The following NT5DC1 variants were observed in gnomAD, a reference collection of about 807,000 sequenced individuals.
The protein encoded by NT5DC1 is 5'-nucleotidase domain-containing protein 1.
NT5DC1 carries 42 observed loss-of-function variants against 59.4 expected under a neutral mutation model. That is an observed-to-expected ratio of 0.71 (90% CI 0.55 to 0.92). NT5DC1 has a LOEUF of 0.92. Ranked by LOEUF, NT5DC1 falls within the 40% of genes least tolerant of loss-of-function variation. The pLI, the probability that NT5DC1 is intolerant of heterozygous loss-of-function variation, is 0.00. For synonymous variants in NT5DC1, 172 were observed against 188.1 expected (o/e 0.91, Z 0.70); for missense variants, 501 against 537.1 (o/e 0.93, Z 0.66).
intron 6 of NT5DC1, chr6:116,125,439 T>TC: frequency 6.2e-7 from 1 of 1,613,888 alleles, no homozygotes; most frequent in Middle Eastern, 1.7e-4. Context: ...CGTAAAACAC[T>TC]CCATGAACCA....
chr6:116,145,288 T>C, intron 6 of NT5DC1: 1 of 205,314 alleles, frequency 4.9e-6, no homozygotes, highest in Non-Finnish European at 1.1e-5. Context: ...TGGGCAACAG[T>C]GTTTCCCTTA....
intron 6 of NT5DC1, among the ~76,000 whole-genome samples, chr6:116,153,517 T>A (rs1780105401): frequency 6.6e-6 from 1 of 152,166 alleles, no homozygotes; most frequent in Non-Finnish European, 1.5e-5. Flanking sequence ...TTATAAACAT[T>A]TTCTAATTTT....
chr6:116,146,200 A>G (rs1215325464), intron 6 of NT5DC1, among the ~76,000 whole-genome samples: 1 of 152,206 alleles, frequency 6.6e-6, no homozygotes, highest in Admixed American at 6.5e-5. Flanking sequence ...GGGATATGAT[A>G]AAGGAATATA....
intron 6 of NT5DC1, among the ~76,000 whole-genome samples, chr6:116,132,987 T>G (rs1198200753): frequency 6.6e-6 from 1 of 152,120 alleles, no homozygotes; most frequent in Non-Finnish European, 1.5e-5. Flanking sequence ...AAAAGAGAAA[T>G]TCATGCATAA....
chr6:116,243,823 T>C (rs1203732927), intron 11 of NT5DC1, 86 bp from the exon 12 acceptor site: 3 of 567,816 alleles, frequency 5.3e-6, no homozygotes, highest in Non-Finnish European at 9.4e-6. Context: ...AAAAAATAAG[T>C]TTTATTAGTG....
At chr6:116,189,378 C>T (rs1006879958) in intron 6 of NT5DC1, among the ~76,000 whole-genome samples, 1 of 151,824 alleles carries the variant, frequency 6.6e-6, no homozygotes, top group Admixed American at 6.6e-5. Flanking sequence ...AGTATATTTA[C>T]ATTTATTTTT....
At chr6:116,186,231 G>A (rs1238388427) in intron 6 of NT5DC1, among the ~76,000 whole-genome samples, 1 of 151,994 alleles carries the variant, frequency 6.6e-6, no homozygotes, top group African/African-American at 2.4e-5. Context: ...TTTCTGCTGA[G>A]AAATCTGCTG....
intron 6 of NT5DC1, among the ~76,000 whole-genome samples, chr6:116,213,445 G>A (rs1781623641): frequency 6.6e-6 from 1 of 152,050 alleles, no homozygotes; most frequent in East Asian, 1.9e-4. Context: ...GAAGCTGCCA[G>A]GCCATTTAAG....
intron 6 of NT5DC1, chr6:116,120,968 C>T: frequency 6.2e-7 from 1 of 1,613,962 alleles, no homozygotes; most frequent in Non-Finnish European, 8.5e-7. Flanking sequence ...TCCATCTGAC[C>T]CAGGGGAACC....
chr6:116,116,061 T>C (rs930623875), intron 5 of NT5DC1, among the ~76,000 whole-genome samples: 3 of 152,154 alleles, frequency 2.0e-5, no homozygotes, highest in African/African-American at 7.2e-5. Flanking sequence ...AACATTTTTT[T>C]TAGCAAAATA....
chr6:116,205,336 T>C lies in NT5DC1; in HGVS notation c.530-15718T>C, dbSNP rs757954653. On this transcript the variant is annotated intron_variant, in intron 6 of 11. Transcript: ENST00000319550. ...GTACTATTTAGAGAAGACTTCAGAC[T>C]TTTTTTTTATGTTTCAAAATTTAGA... Among the ~76,000 whole-genome samples, 177 of 151,196 alleles carry C rather than the reference T, an allele frequency of 1.2e-3. 1 individual carries two copies. Among genetic ancestry groups the C allele is most frequent in the Admixed American group, 2.8e-3 (43 of 15,152 alleles).
intron 4 of NT5DC1, among the ~76,000 whole-genome samples, chr6:116,114,050 T>C (rs1778923684): frequency 6.6e-6 from 1 of 152,196 alleles, no homozygotes. Context: ...TCATCTTCCT[T>C]TTTTTCCAGA....
At chr6:116,104,781 G>GACTT (rs1473648914) in intron 1 of NT5DC1, among the ~76,000 whole-genome samples, 3 of 152,168 alleles carry the variant, frequency 2.0e-5, no homozygotes, top group African/African-American at 7.2e-5. Context: ...TCGTGATGTG[G>GACTT]ACTTTTTATT....
chr6:116,121,016 G>C, intron 6 of NT5DC1: 2 of 1,613,934 alleles, frequency 1.2e-6, no homozygotes, highest in Non-Finnish European at 1.7e-6. Context: ...TGCAGGCCCA[G>C]CTGGCCCTGT....
chr6:116,144,560 A>G (rs1270298033), intron 6 of NT5DC1, among the ~76,000 whole-genome samples: 3 of 152,014 alleles, frequency 2.0e-5, no homozygotes, highest in Non-Finnish European at 4.4e-5. Context: ...CTGGTTTTCT[A>G]TATTACTTTA....
At chr6:116,204,910 T>G (rs1244814768) in intron 6 of NT5DC1, among the ~76,000 whole-genome samples, 1 of 151,976 alleles carries the variant, frequency 6.6e-6, no homozygotes, top group Non-Finnish European at 1.5e-5. Context: ...GTCATTTTTT[T>G]GGGTGAGGAA....
chr6:116,244,116 A>C lies in NT5DC1; in HGVS notation c.*92A>C. On this transcript the variant is annotated 3_prime_UTR_variant, in exon 12 of 12. Coordinates refer to ENST00000319550, the MANE Select transcript of NT5DC1 (RefSeq NM_152729.3). ...AATACTGTAAAAGACTTTAAGGAACAAGTTTTATTGACCAATAAGTTGATA... is the reference window on the plus strand; with the variant it reads ...AATACTGTAAAAGACTTTAAGGAACCAGTTTTATTGACCAATAAGTTGATA... 1.9e-6 allele frequency: 1 copy of C among 515,812 alleles called. No individual in the cohort carries two copies. Among genetic ancestry groups the C allele is most frequent in the Non-Finnish European group, 3.5e-6 (1 of 285,358 alleles). The allele number at this position is 515,812 out of a possible 1,614,324, so 32.0% of individuals were successfully genotyped here. A position where few individuals can be genotyped will look rare whatever the true frequency, so the allele number is the denominator to read the frequency against.
chr6:116,215,017 C>T (rs1781663023), intron 6 of NT5DC1, among the ~76,000 whole-genome samples: 1 of 152,060 alleles, frequency 6.6e-6, no homozygotes, highest in Admixed American at 6.6e-5. Context: ...ATTCTCTGGA[C>T]ACACTTTCTT....
chr6:116,224,604 T>C (rs913513054), intron 8 of NT5DC1, among the ~76,000 whole-genome samples: 1 of 152,156 alleles, frequency 6.6e-6, no homozygotes, highest in Admixed American at 6.5e-5. Flanking sequence ...GGAAGAGTGT[T>C]CCTGGCAGTG....
Sources: gnomAD v4.1 joint callset for allele counts (sites outside exome capture counted in the v4.1 genomes callset) on GRCh38, gnomAD v4.1.1 for gene constraint, MANE v1.5 for transcripts, NCBI Gene and HGNC (gene_info 2026-07-23, HGNC 2026-07-21) for gene names.